The following SLC8A3 variants were observed in gnomAD, a reference collection of about 807,000 sequenced individuals.
SLC8A3 encodes sodium/calcium exchanger 3.
In SLC8A3, 37 loss-of-function variants were observed where a neutral mutation model predicts 65.4. The ratio of observed to expected loss-of-function variants is 0.57; its 90% CI spans 0.44 to 0.74. SLC8A3 has a LOEUF of 0.74. Among genes scored for constraint, SLC8A3 ranks in the 30% least tolerant of loss-of-function variants. The pLI, the probability that SLC8A3 is intolerant of heterozygous loss-of-function variation, is 0.00. For synonymous variants in SLC8A3, 461 were observed against 444.5 expected (o/e 1.04, Z -0.47); for missense variants, 1,112 against 1,172.1 (o/e 0.95, Z 0.75).
At chr14:70,161,049 A>G (rs997012989) in intron 2 of SLC8A3, among the ~76,000 whole-genome samples, 3 of 150,084 alleles carry the variant, frequency 2.0e-5, no homozygotes, top group Admixed American at 2.0e-4. Context: ...TCGAGACCAT[A>G]CTGGCTAACA....
chr14:70,049,544 T>C (rs1887223741), intron 5 of SLC8A3, among the ~76,000 whole-genome samples: 1 of 151,760 alleles, frequency 6.6e-6, no homozygotes, highest in Admixed American at 6.6e-5. Context: ...GACGGGTTGA[T>C]GGGTGCAGCA....
At chr14:70,068,233 G>A (rs567957683) in intron 2 of SLC8A3, among the ~76,000 whole-genome samples, 7 of 152,262 alleles carry the variant, frequency 4.6e-5, no homozygotes, top group Admixed American at 6.5e-5. Context: ...GTGAAAGTGG[G>A]AGTAAGCAGC....
chr14:70,095,480 G>C (rs1594974749), intron 2 of SLC8A3, among the ~76,000 whole-genome samples: 1 of 152,348 alleles, frequency 6.6e-6, no homozygotes, highest in East Asian at 1.9e-4. Flanking sequence ...GCTTTGAGCT[G>C]TTGAATTGTC....
intron 2 of SLC8A3, among the ~76,000 whole-genome samples, chr14:70,117,019 A>G (rs563872864): frequency 6.6e-6 from 1 of 152,340 alleles, no homozygotes; most frequent in Non-Finnish European, 1.5e-5. Flanking sequence ...CCTCAGACAC[A>G]TAGCTTGATT....
intron 2 of SLC8A3, among the ~76,000 whole-genome samples, chr14:70,118,010 C>A (rs1418007079): frequency 6.6e-6 from 1 of 152,230 alleles, no homozygotes; most frequent in Non-Finnish European, 1.5e-5. Context: ...CATTGGCCTG[C>A]ATGGAGGCCA....
At chr14:70,099,924 T>A (rs570525001) in intron 2 of SLC8A3, among the ~76,000 whole-genome samples, 1 of 152,382 alleles carries the variant, frequency 6.6e-6, no homozygotes, top group Admixed American at 6.5e-5. Context: ...TGGTCCATTA[T>A]GCACGAGACC....
At chr14:70,061,351 A>T (rs1389039008) in intron 2 of SLC8A3, among the ~76,000 whole-genome samples, 1 of 152,188 alleles carries the variant, frequency 6.6e-6, no homozygotes, top group Non-Finnish European at 1.5e-5. Context: ...TTCTCTGGGC[A>T]ACAGGTAAAC....
At chr14:70,114,605 C>T (rs763464735) in intron 2 of SLC8A3, among the ~76,000 whole-genome samples, 5 of 152,200 alleles carry the variant, frequency 3.3e-5, no homozygotes, top group Non-Finnish European at 7.3e-5. Context: ...CCTCCCTGCC[C>T]CCATCCCTGC....
rs1054579026 is a variant in SLC8A3, at chr14:70,172,847, T to G, written c.-62-4363A>C. On this transcript the variant is annotated intron_variant, in intron 1 of 6. Transcript: ENST00000356921. ...CCAGCCTGGGGATTCAGGGAGGCAT[T>G]CTGAAGGAGGTGATTCCTGAAATGA... Among the ~76,000 whole-genome samples, 126 of 152,176 alleles carry G rather than the reference T, an allele frequency of 8.3e-4. 1 individual carries two copies. The highest frequency in any genetic ancestry group is 2.9e-3 in the African/African-American group (119 of 41,524).
chr14:70,154,271 A>G (rs1266613341), intron 2 of SLC8A3, among the ~76,000 whole-genome samples: 4 of 152,252 alleles, frequency 2.6e-5, no homozygotes, highest in African/African-American at 9.6e-5. Flanking sequence ...TAAAATCAGA[A>G]GATCTAGGGC....
chr14:70,051,270 C>G (rs1887477318), intron 4 of SLC8A3, among the ~76,000 whole-genome samples, 163 bp from the exon 5 acceptor site: 1 of 152,098 alleles, frequency 6.6e-6, no homozygotes, highest in African/African-American at 2.4e-5. Flanking sequence ...CCTTCTATTT[C>G]CCTTTGTTTT....
chr14:70,170,828 C>G (rs1256383827), intron 1 of SLC8A3, among the ~76,000 whole-genome samples: 3 of 152,114 alleles, frequency 2.0e-5, no homozygotes, highest in Admixed American at 6.5e-5. Flanking sequence ...CCCACATTCT[C>G]CATTAGTCCA....
intron 2 of SLC8A3, among the ~76,000 whole-genome samples, chr14:70,119,938 G>A (rs909495419): frequency 2.0e-5 from 3 of 152,214 alleles, no homozygotes; most frequent in African/African-American, 7.2e-5. Context: ...TTTCCCAGAT[G>A]CCTTTGCATC....
chr14:70,104,092 A>C (rs1211981449), intron 2 of SLC8A3, among the ~76,000 whole-genome samples: 1 of 152,082 alleles, frequency 6.6e-6, no homozygotes, highest in Admixed American at 6.5e-5. Flanking sequence ...TACAACAATC[A>C]TGAATGTATG....
intron 1 of SLC8A3, among the ~76,000 whole-genome samples, chr14:70,173,464 C>T (rs928310170): frequency 6.6e-6 from 1 of 152,188 alleles, no homozygotes; most frequent in Non-Finnish European, 1.5e-5. Context: ...TGGCTCCTGA[C>T]ATCTTTTAAT....
rs745460297 is a variant in SLC8A3 at position 70,052,109 on chromosome 14, T to C, written c.1894A>G (p.Thr632Ala). Residue 632 changes from threonine to alanine, a missense_variant, in exon 4 of 7, where the codon ACA (threonine) becomes GCA (alanine). Physicochemically the swap from Thr to Ala is moderately conservative, Grantham distance 58. Coordinates refer to ENST00000356921, the MANE Select transcript of SLC8A3 (RefSeq NM_182932.3). ...TCTTCCATAGTCAGCTTCCTGTCTGTCACATCTGCAACAAAACAAAATCAG... is the reference window on the plus strand; with the variant it reads ...TCTTCCATAGTCAGCTTCCTGTCTGCCACATCTGCAACAAAACAAAATCAG... ...KWMERGISDV[T>A]DRKLTMEEEE... The C allele has an allele frequency of 6.3e-6, 10 of 1,598,242 alleles. No homozygotes were observed. The South Asian group carries it at 9.1e-5, about 15-fold the overall frequency.
intron 2 of SLC8A3, among the ~76,000 whole-genome samples, chr14:70,132,687 G>T (rs1419204042): frequency 6.6e-6 from 1 of 152,132 alleles, no homozygotes; most frequent in East Asian, 1.9e-4. Flanking sequence ...GTTAAAAGAG[G>T]GGGTAGGGGT....
At chr14:70,115,215 G>A (rs1016829669) in intron 2 of SLC8A3, among the ~76,000 whole-genome samples, 1 of 152,148 alleles carries the variant, frequency 6.6e-6, no homozygotes, top group Non-Finnish European at 1.5e-5. Flanking sequence ...CCAGCGCAGC[G>A]CACTTGGCAC....
At chr14:70,096,151 G>A (rs987686672) in intron 2 of SLC8A3, among the ~76,000 whole-genome samples, 7 of 152,040 alleles carry the variant, frequency 4.6e-5, no homozygotes, top group Non-Finnish European at 5.9e-5. Context: ...CAAAATGTTC[G>A]GATTACAGGT....
Sources: allele counts gnomAD v4.1 joint callset (sites outside exome capture counted in the v4.1 genomes callset), GRCh38; gene constraint gnomAD v4.1.1; transcripts MANE v1.5; gene names NCBI Gene and HGNC (gene_info 2026-07-23, HGNC 2026-07-21).